The following ADARB2 variants were observed in gnomAD, a reference collection of about 807,000 sequenced individuals.
ADARB2 encodes adenosine deaminase RNA specific B2 (inactive).
Under a neutral mutation model 62.2 loss-of-function variants are expected in ADARB2, and 25 were observed. The ratio of observed to expected loss-of-function variants is 0.40; its 90% confidence interval spans 0.29 to 0.56. ADARB2 has a LOEUF of 0.56. ADARB2 is among the 20% of genes least tolerant of loss of function. The pLI is 0.43. For synonymous variants in ADARB2, 572 were observed against 500.8 expected (o/e 1.14, Z -1.90); for missense variants, 1,071 against 1,077.4 (o/e 0.99, Z 0.08).
intron 1 of ADARB2, among the ~76,000 whole-genome samples, chr10:1,529,102 T>C (rs1832186458): frequency 6.7e-6 from 1 of 149,670 alleles, no homozygotes; most frequent in African/African-American, 2.5e-5. Context: ...AATCCTCCAA[T>C]CAGTCCACGC....
chr10:1,735,383 G>T (rs1835288260), intron 1 of ADARB2, among the ~76,000 whole-genome samples: 1 of 152,148 alleles, frequency 6.6e-6, no homozygotes, highest in South Asian at 2.1e-4. Flanking sequence ...CAAGGCAAGT[G>T]AATTTGGAGA....
At chr10:1,639,525 C>T (rs181292401) in intron 1 of ADARB2, among the ~76,000 whole-genome samples, 1 of 152,340 alleles carries the variant, frequency 6.6e-6, no homozygotes, top group Non-Finnish European at 1.5e-5. Context: ...AAGCTTTGGG[C>T]TCCAACATGA....
intron 1 of ADARB2, among the ~76,000 whole-genome samples, chr10:1,684,203 C>T (rs911574202): frequency 6.6e-6 from 1 of 152,180 alleles, no homozygotes; most frequent in African/African-American, 2.4e-5. Context: ...AAATCCATGA[C>T]AGAAAAACAG....
chr10:1,451,520 T>A (rs1209651387), intron 1 of ADARB2, among the ~76,000 whole-genome samples: 1 of 151,450 alleles, frequency 6.6e-6, no homozygotes, highest in Non-Finnish European at 1.5e-5. Flanking sequence ...GACACACCTG[T>A]ATGAGGAGGG....
chr10:1,519,179 T>C (rs1832043914), intron 1 of ADARB2, among the ~76,000 whole-genome samples: 1 of 151,674 alleles, frequency 6.6e-6, no homozygotes, highest in Non-Finnish European at 1.5e-5. Flanking sequence ...AACGTCTGCA[T>C]GTGGTGTGGT....
chr10:1,474,249 T>A (rs2131919253), intron 1 of ADARB2, among the ~76,000 whole-genome samples: 1 of 152,334 alleles, frequency 6.6e-6, no homozygotes, highest in South Asian at 2.1e-4. Flanking sequence ...AGCATCCTTG[T>A]GTAAATTCCA....
At chr10:1,459,224 G>A (rs6560735) in intron 1 of ADARB2, among the ~76,000 whole-genome samples, 4 of 152,012 alleles carry the variant, frequency 2.6e-5, no homozygotes, top group Non-Finnish European at 4.4e-5. Context: ...ACGTACGCAC[G>A]TGTATGTTCA....
chr10:1,193,259 C>T (rs1357347178), intron 8 of ADARB2, among the ~76,000 whole-genome samples: 3 of 152,132 alleles, frequency 2.0e-5, no homozygotes, highest in South Asian at 2.1e-4. Flanking sequence ...ACCGAGGAGT[C>T]GGGAGGATGG....
chr10:1,333,549 A>C (rs1831947746), intron 3 of ADARB2, among the ~76,000 whole-genome samples: 1 of 152,098 alleles, frequency 6.6e-6, no homozygotes, highest in African/African-American at 2.4e-5. Context: ...TTTTCCTTAC[A>C]CCTCAGCACA....
intron 6 of ADARB2, among the ~76,000 whole-genome samples, chr10:1,218,814 G>T (rs1474733420): frequency 6.6e-6 from 1 of 152,026 alleles, no homozygotes; most frequent in Non-Finnish European, 1.5e-5. Context: ...GGAGGCAGAG[G>T]CGGGCGGATC....
At chr10:1,307,321 A>G (rs972802447) in intron 3 of ADARB2, among the ~76,000 whole-genome samples, 7 of 118,174 alleles carry the variant, frequency 5.9e-5, no homozygotes, top group African/African-American at 1.9e-4. Context: ...CAAAAAACAC[A>G]TGAAAAAATG....
At chr10:1,379,526 A>C (rs1250057997) in intron 1 of ADARB2, among the ~76,000 whole-genome samples, 1 of 152,216 alleles carries the variant, frequency 6.6e-6, no homozygotes, top group Non-Finnish European at 1.5e-5. Flanking sequence ...GGGCTAAAAC[A>C]AGTAAAACAA....
intron 1 of ADARB2, among the ~76,000 whole-genome samples, chr10:1,542,977 G>A (rs552685801): frequency 1.3e-5 from 2 of 152,266 alleles, no homozygotes; most frequent in African/African-American, 2.4e-5. Context: ...GATCACAGCT[G>A]TCCGTCCGCC....
chr10:1,268,267 G>C (rs1564241565), intron 4 of ADARB2, among the ~76,000 whole-genome samples: 2 of 152,140 alleles, frequency 1.3e-5, no homozygotes, highest in African/African-American at 4.8e-5. Context: ...AGAGTGAAGG[G>C]GAGTGAGGGG....
rs576221221 is a variant in ADARB2 at position 1,345,042 on chromosome 10, C to T, written c.1077+17986G>A. Among the ~76,000 whole-genome samples, 97 of 152,220 alleles carry T rather than the reference C, an allele frequency of 6.4e-4. 1 individual carries two copies. Among genetic ancestry groups the T allele is most frequent in the African/African-American group, 1.8e-3 (76 of 41,544 alleles). On this transcript the variant is annotated intron_variant, in intron 3 of 9. Transcript: ENST00000381312. ...CAGAAGGGCACATGGAGGAAACCGC[C>T]GCAGCCTGGCAGGTGAGCCAGGAGG...
At chr10:1,334,294 A>G (rs1296303405) in intron 3 of ADARB2, among the ~76,000 whole-genome samples, 1 of 152,212 alleles carries the variant, frequency 6.6e-6, no homozygotes, top group Non-Finnish European at 1.5e-5. Context: ...TTGGTCGAAT[A>G]CATTTGAAAA....
At chr10:1,568,688 G>A (rs553715849) in intron 1 of ADARB2, among the ~76,000 whole-genome samples, 1 of 152,274 alleles carries the variant, frequency 6.6e-6, no homozygotes, top group South Asian at 2.1e-4. Context: ...GGAGTTTGGA[G>A]ACCAGGCCCT....
chr10:1,266,386 T>C (rs1320597993), intron 4 of ADARB2, among the ~76,000 whole-genome samples: 1 of 151,964 alleles, frequency 6.6e-6, no homozygotes, highest in African/African-American at 2.4e-5. Flanking sequence ...CTGGGGAGAA[T>C]GCCTGAGGGT....
intron 1 of ADARB2, among the ~76,000 whole-genome samples, chr10:1,633,834 C>T (rs1352551456): frequency 2.0e-5 from 3 of 152,168 alleles, no homozygotes; most frequent in Non-Finnish European, 4.4e-5. Context: ...TCAGTCCAGG[C>T]CCCCGACTCT....
Sources: gnomAD v4.1 joint callset for allele counts (sites outside exome capture counted in the v4.1 genomes callset) on GRCh38, gnomAD v4.1.1 for gene constraint, MANE v1.5 for transcripts, NCBI Gene and HGNC (gene_info 2026-07-23, HGNC 2026-07-21) for gene names.